RARS2: variants seen among roughly 807,000 people sequenced by gnomAD.
RARS2 encodes the protein probable arginine--tRNA ligase, mitochondrial.
In RARS2, 67 loss-of-function variants were observed where a neutral mutation model predicts 88.5. The observed-to-expected ratio is 0.76, with a 90% confidence interval of 0.62 to 0.93. RARS2 has a LOEUF of 0.93. Among genes scored for constraint, RARS2 ranks in the 40% least tolerant of loss-of-function variants. RARS2 has a pLI of 0.00. For missense variants in RARS2, 664 were observed against 684.2 expected, an observed-to-expected ratio of 0.97 and a Z score of 0.33; for synonymous variants, 239 against 230.3, an observed-to-expected ratio of 1.04 and a Z score of -0.34.
intron 4 of RARS2, among the ~76,000 whole-genome samples, chr6:87,558,114 T>C (rs764093123): frequency 1.3e-5 from 2 of 151,614 alleles, no homozygotes; most frequent in East Asian, 1.9e-4. Flanking sequence ...GAGATGGAGG[T>C]TGCAATGAGC....
At chr6:87,540,465 A>C (rs1226781733) in intron 8 of RARS2, among the ~76,000 whole-genome samples, 1 of 151,862 alleles carries the variant, frequency 6.6e-6, no homozygotes, top group East Asian at 1.9e-4. Context: ...AAAAAAAAAA[A>C]AAAAACTGGA....
rs762621463 is a variant in RARS2 at position 87,548,636 on chromosome 6, C to T, written c.406G>A (p.Val136Ile). ...KIVVEFSSPN[V>I]AKKFHVGHLR... The stretch of plus-strand genomic sequence containing the variant: ...TGTCCAACATGAAATTTTTTGGCAA[C>T]ATTAGGTGAACTGCAAAAAAAATGG... Residue 136 changes from valine to isoleucine, a missense_variant, in exon 6 of 20, where the codon GTT becomes ATT. Transcript: ENST00000369536. The T allele has an allele frequency of 1.2e-6, 2 of 1,612,810 alleles. No individual in the cohort carries two copies. Among genetic ancestry groups the T allele is most frequent in the South Asian group, 1.1e-5 (1 of 90,966 alleles).
chr6:87,533,950 C>T (rs1222267395), intron 8 of RARS2, among the ~76,000 whole-genome samples: 2 of 152,158 alleles, frequency 1.3e-5, no homozygotes, highest in African/African-American at 4.8e-5. Flanking sequence ...AGAATAACTG[C>T]TAAGGATGGT....
rs754538094 is a variant in RARS2, at chr6:87,516,874, G to A, written c.1518C>T (p.Asp506=). The A allele has an allele frequency of 1.1e-4, 181 of 1,613,530 alleles. 2 individuals are homozygous for A. The Admixed American group carries it at 2.9e-3, about 26-fold the overall frequency. The change falls in exon 18 of 20, where the codon GAC becomes GAT. Residue 506 remains aspartate (D), a synonymous_variant. Transcript: ENST00000369536. ...CCTGAGATGATTTATAAAGCACCTC[G>A]TCGAACCTAAAAGATGACAGGAACA... ...VSILQHLLRF[D]EVLYKSSQDF...
chr6:87,575,552 G>A (rs945768582), intron 1 of RARS2, among the ~76,000 whole-genome samples: 12 of 152,082 alleles, frequency 7.9e-5, no homozygotes, highest in Non-Finnish European at 1.8e-4. Flanking sequence ...CTCCAGAGAG[G>A]ATGAGGTGCT....
intron 10 of RARS2, among the ~76,000 whole-genome samples, chr6:87,525,866 T>C (rs573681452): frequency 6.6e-6 from 1 of 151,920 alleles, no homozygotes; most frequent in South Asian, 2.1e-4. Context: ...AGCATTTCTA[T>C]ACACAACAAC....
intron 6 of RARS2, among the ~76,000 whole-genome samples, chr6:87,547,742 C>T (rs1280671640): frequency 3.3e-5 from 5 of 151,740 alleles, no homozygotes; most frequent in South Asian, 4.2e-4. Flanking sequence ...CGGGTTCAAG[C>T]GATTCTCCCA....
intron 4 of RARS2, among the ~76,000 whole-genome samples, chr6:87,562,067 C>T (rs988986104): frequency 2.0e-5 from 3 of 152,168 alleles, no homozygotes; most frequent in Non-Finnish European, 2.9e-5. Context: ...CAGGCTCAAG[C>T]GATCCTCCCA....
chr6:87,571,231 A>G (rs946024719), intron 1 of RARS2, among the ~76,000 whole-genome samples: 3 of 152,072 alleles, frequency 2.0e-5, no homozygotes, highest in African/African-American at 7.2e-5. Context: ...TGGTTTTAAA[A>G]GAGGCTTTCC....
In RARS2 at chr6:87,542,022, T is replaced by TTA. The variant is rs780027377; in HGVS notation, c.536-30_536-29dup. The TTA allele has an allele frequency of 4.5e-6, 7 of 1,572,264 alleles. No individual in the cohort carries two copies. In the Admixed American group the frequency reaches 8.4e-5, roughly 19 times the overall value. On this transcript the variant is annotated intron_variant, in intron 7 of 19. Transcript: ENST00000369536. ...ACCATGATAATCCGTAAATGAAAAATTATAAAGTTGAACAACAGAGAATAG... is the reference window on the plus strand; with the variant it reads ...ACCATGATAATCCGTAAATGAAAAATTATATAAAGTTGAACAACAGAGAATAG...
chr6:87,518,145 G>A, intron 17 of RARS2, 24 bp downstream of exon 17: 1 of 1,614,060 alleles, frequency 6.2e-7, no homozygotes. Context: ...AAGCACACTT[G>A]ATGATCCCTG....
chr6:87,519,129 T>G (rs547800407), intron 14 of RARS2: 12 of 467,492 alleles, frequency 2.6e-5, no homozygotes, highest in South Asian at 2.5e-4. Context: ...AAAATAAATT[T>G]GGATTTCTGA....
Position 87,562,800 on chromosome 6 carries a change from T to A in RARS2, c.214-15A>T. ...TCACATCTTAGCTGAAAAGAACAAATCACACAAAGTAGGTATGTTATATAA... is the reference window on the plus strand; with the variant it reads ...TCACATCTTAGCTGAAAAGAACAAAACACACAAAGTAGGTATGTTATATAA... On this transcript the variant is annotated splice_polypyrimidine_tract_variant and intron_variant, in intron 3 of 19. Coordinates refer to ENST00000369536, the MANE Select transcript of RARS2 (RefSeq NM_020320.5). 6.3e-7 allele frequency: 1 copy of A among 1,593,502 alleles called. No individual in the cohort carries two copies. Among genetic ancestry groups the A allele is most frequent in the East Asian group, 2.2e-5 (1 of 44,764 alleles).
chr6:87,580,451 G>A (rs1218544641), intron 1 of RARS2, among the ~76,000 whole-genome samples: 1 of 151,926 alleles, frequency 6.6e-6, no homozygotes, highest in Non-Finnish European at 1.5e-5. Flanking sequence ...ACAACACATT[G>A]AATGAGGAGC....
intron 5 of RARS2, among the ~76,000 whole-genome samples, chr6:87,553,169 C>T (rs1784854038): frequency 6.6e-6 from 1 of 152,064 alleles, no homozygotes; most frequent in South Asian, 2.1e-4. Flanking sequence ...GCCTTGAGTA[C>T]CTTTGTAAAG....
Position 87,562,714 on chromosome 6 carries a change from C to A in RARS2, c.285G>T (p.Glu95Asp), listed in dbSNP as rs1195135380. The change falls in exon 4 of 20, where the codon GAG (glutamate) becomes GAT (aspartate). Residue 95 changes from glutamate (E) to aspartate (D), a missense_variant. By Grantham distance (45) the Glu-to-Asp change is conservative. Coordinates refer to ENST00000369536, the MANE Select transcript of RARS2 (RefSeq NM_020320.5). ...QRTVNFKINR[E>D]LLTKTVLQQV... is the part of the protein sequence containing the mutation. ...AACTTATTCTTACCTTTGTTAAGAG[C>A]TCTCTGTTTATTTTGAAATTTACAG... is the stretch of plus-strand genomic sequence containing the variant. The A allele has an allele frequency of 2.6e-5, 42 of 1,608,214 alleles. No homozygotes were observed. The highest frequency in any genetic ancestry group is 3.6e-5 in the Non-Finnish European group (42 of 1,174,798).
rs75255457 is a variant in RARS2, at chr6:87,586,610, C to T, written c.36+3312G>A. On this transcript the variant is annotated intron_variant, in intron 1 of 19. Coordinates refer to ENST00000369536, the MANE Select transcript of RARS2 (RefSeq NM_020320.5). ...CCATTTCAGGGCAGAAACTATTTTC[C>T]GTTCACTTTTAGCCTTGGGACTGAT... Among the ~76,000 whole-genome samples the T allele has an allele frequency of 9.1e-3, 1,389 of 152,312 alleles. 21 individuals are homozygous for T. Among genetic ancestry groups the T allele is most frequent in the African/African-American group, 0.031 (1,292 of 41,568 alleles).
intron 6 of RARS2, among the ~76,000 whole-genome samples, chr6:87,547,040 G>A (rs1782807574): frequency 6.6e-6 from 1 of 152,088 alleles, no homozygotes; most frequent in Non-Finnish European, 1.5e-5. Flanking sequence ...AGTTACTTTT[G>A]GCTGCTGAAT....
At chr6:87,548,898 G>A (rs1783465200) in intron 5 of RARS2, among the ~76,000 whole-genome samples, 1 of 152,130 alleles carries the variant, frequency 6.6e-6, no homozygotes, top group South Asian at 2.1e-4. Context: ...AGTATTTACT[G>A]TATCAGAAAT....
Sources: allele counts gnomAD v4.1 joint callset (sites outside exome capture counted in the v4.1 genomes callset), GRCh38; gene constraint gnomAD v4.1.1; transcripts MANE v1.5; gene names NCBI Gene and HGNC (gene_info 2026-07-23, HGNC 2026-07-21).